Variants in ANAPC13 observed in about 807,000 individuals in gnomAD.
ANAPC13 encodes the protein anaphase promoting complex subunit 13.
Under a neutral mutation model 9.6 loss-of-function variants are expected in ANAPC13, and 9 were observed. That is an observed-to-expected ratio of 0.94 (90% CI 0.57 to 1.64). The LOEUF (loss-of-function observed/expected upper bound fraction) is 1.64. ANAPC13 is among the 40% of genes most tolerant of loss of function. The probability of loss-of-function intolerance (pLI) is 0.00; values close to 1 mark genes in which losing one functional copy is unlikely to be tolerated. For missense variants in ANAPC13, 75 were observed against 85.3 expected (o/e 0.88, Z 0.48); for synonymous variants, 30 against 29.7 (o/e 1.01, Z -0.03).
intron 1 of ANAPC13, chr3:134,483,150 A>C (rs1289793436): frequency 7.5e-6 from 4 of 534,274 alleles, no homozygotes; most frequent in African/African-American, 3.8e-5. Context: ...CAGCTGACAG[A>C]CCAGTGTCAT....
At position 134,485,984 on chromosome 3, in the gene ANAPC13, C is replaced by T; in HGVS notation, c.-60G>A. 1.1e-6 allele frequency: 1 copy of T among 884,402 alleles called. No individual in the cohort carries two copies. 54.8% of individuals were successfully genotyped at this position (884,402 alleles called of 1,614,324 possible). Reference sequence around the variant, plus strand: ...CGGCCACCGCGGCAGACGCTTGCTCCTGCCACGCCCCCCCCCCCTCCCCCG... The same window carrying T: ...CGGCCACCGCGGCAGACGCTTGCTCTTGCCACGCCCCCCCCCCCTCCCCCG... On this transcript the variant is annotated 5_prime_UTR_variant, in exon 1 of 3. Transcript: ENST00000354910.
Position 134,478,781 on chromosome 3 carries a change from C to T in ANAPC13, c.100-66G>A, listed in dbSNP as rs189201350. On this transcript the variant is annotated intron_variant, in intron 2 of 2. Coordinates refer to ENST00000354910, the MANE Select transcript of ANAPC13 (RefSeq NM_015391.4). The stretch of plus-strand genomic sequence containing the variant: ...TGCATCTTCTTGGAACTCAAGAACA[C>T]TTAGAATTAAAGCTTGTGAGTTCCT... 4.1e-5 allele frequency: 64 copies of T among 1,564,030 alleles called. No homozygotes were observed. The South Asian group carries it at 6.5e-4, about 16-fold the overall frequency.
intron 2 of ANAPC13, 136 bp from the exon 3 acceptor site, chr3:134,478,851 A>T: frequency 1.0e-6 from 1 of 972,782 alleles, no homozygotes; most frequent in South Asian, 1.6e-5. Flanking sequence ...AAAAAGCTAA[A>T]ATCATACACG....
chr3:134,478,495 A>AT lies in ANAPC13; in HGVS notation c.*94dup. 1.4e-6 allele frequency: 2 copies of AT among 1,477,866 alleles called. No homozygotes were observed. The highest frequency in any genetic ancestry group is 1.8e-6 in the Non-Finnish European group (2 of 1,094,104). 91.5% of individuals were successfully genotyped at this position (1,477,866 alleles called of 1,614,324 possible). ...AATGGGTGTACATTTTTGAGTGCTGATTTATTACTCAAAGGTTTGAATTTG... is the reference window on the plus strand; with the variant it reads ...AATGGGTGTACATTTTTGAGTGCTGATTTTATTACTCAAAGGTTTGAATTTG... On this transcript the variant is annotated 3_prime_UTR_variant, in exon 3 of 3. Coordinates refer to ENST00000354910, the MANE Select transcript of ANAPC13 (RefSeq NM_015391.4).
intron 1 of ANAPC13, chr3:134,483,171 A>G: frequency 2.2e-6 from 1 of 461,772 alleles, no homozygotes; most frequent in Non-Finnish European, 3.9e-6. Flanking sequence ...AGAGTGTGAC[A>G]GGAGAGCAAC....
At chr3:134,478,751 T>C (rs1433453245) in intron 2 of ANAPC13, 36 bp from the exon 3 acceptor site, 16 of 1,609,104 alleles carry the variant, frequency 9.9e-6, no homozygotes, top group South Asian at 1.1e-5. Context: ...AACAGTAATA[T>C]ATTCTGCATC....
intron 1 of ANAPC13, 81 bp from the exon 2 acceptor site, chr3:134,483,012 T>TAAAA: frequency 1.1e-6 from 1 of 951,432 alleles, no homozygotes. Context: ...CCAGGCTTTT[T>TAAAA]AGTCTGGGGC....
intron 1 of ANAPC13, among the ~76,000 whole-genome samples, chr3:134,484,732 C>T (rs558186650): frequency 6.6e-6 from 1 of 152,344 alleles, no homozygotes; most frequent in East Asian, 1.9e-4. Context: ...GCTGCTCTGT[C>T]TCCTGGGATA....
chr3:134,484,366 G>C (rs1404164192), intron 1 of ANAPC13, among the ~76,000 whole-genome samples: 1 of 150,078 alleles, frequency 6.7e-6, no homozygotes, highest in Non-Finnish European at 1.5e-5. Context: ...CAGCCTGGGC[G>C]ACAGAGCAAG....
chr3:134,484,382 G>A (rs1337433944), intron 1 of ANAPC13, among the ~76,000 whole-genome samples: 4 of 115,850 alleles, frequency 3.5e-5, no homozygotes, highest in South Asian at 5.9e-4. Flanking sequence ...GCAAGATTCC[G>A]TCTCGGAAAA....
chr3:134,482,951 T>C lies in ANAPC13; in HGVS notation c.-27-20A>G, dbSNP rs1252757349. On this transcript the variant is annotated intron_variant, in intron 1 of 2. Transcript: ENST00000354910. ...TCAAATCTGTAAGCCAAAGAGGTTA[T>C]TTCTTAAACACGAAGACTGAAGAGA... 6.7e-7 allele frequency: 1 copy of C among 1,485,080 alleles called. No homozygotes were observed. Among genetic ancestry groups the C allele is most frequent in the Non-Finnish European group, 9.4e-7 (1 of 1,062,600 alleles). The allele number at this position is 1,485,080 out of a possible 1,614,324, so 92.0% of individuals were successfully genotyped here. A position where few individuals can be genotyped will look rare whatever the true frequency, so the allele number is the denominator to read the frequency against.
chr3:134,483,256 C>A lies in ANAPC13; in HGVS notation c.-27-325G>T, dbSNP rs79470916. 267 of 232,050 alleles carry A rather than the reference C, an allele frequency of 1.2e-3. 1 individual carries two copies. Among genetic ancestry groups the A allele is most frequent in the African/African-American group, 5.6e-3 (254 of 45,074 alleles). 14.4% of individuals were successfully genotyped at this position (232,050 alleles called of 1,614,324 possible). The stretch of plus-strand genomic sequence containing the variant: ...CTTCTCTTCTAACTTGAACATTCAC[C>A]TTTTCCTGTTTGTGATGCCTTTGAT... On this transcript the variant is annotated intron_variant, in intron 1 of 2. Coordinates refer to ENST00000354910, the MANE Select transcript of ANAPC13 (RefSeq NM_015391.4).
chr3:134,483,195 C>A (rs558388673), intron 1 of ANAPC13: 5 of 387,166 alleles, frequency 1.3e-5, no homozygotes, highest in African/African-American at 8.0e-5. Context: ...TTAAACGAGG[C>A]CCTCAAATAT....
rs113277761 is a variant in ANAPC13, at chr3:134,483,905, T to C, written c.-27-974A>G. ...TCAGAGCTCAGCCTGGGTGATATTTTAAGGAAGGAAGCCATTTCCTTTACA... is the reference window on the plus strand; with the variant it reads ...TCAGAGCTCAGCCTGGGTGATATTTCAAGGAAGGAAGCCATTTCCTTTACA... On this transcript the variant is annotated intron_variant, in intron 1 of 2. Transcript: ENST00000354910. Among the ~76,000 whole-genome samples, 1,072 of 152,336 alleles carry C rather than the reference T, an allele frequency of 7.0e-3. 12 individuals carry two copies. The highest frequency in any genetic ancestry group is 0.025 in the African/African-American group (1,030 of 41,576).
At chr3:134,481,419 T>G (rs1934732096) in intron 2 of ANAPC13, among the ~76,000 whole-genome samples, 1 of 152,232 alleles carries the variant, frequency 6.6e-6, no homozygotes, top group South Asian at 2.1e-4. Context: ...TCCCCTCTGC[T>G]GCAATACCCT....
intron 2 of ANAPC13, among the ~76,000 whole-genome samples, chr3:134,481,595 G>A (rs941218234): frequency 1.3e-5 from 2 of 152,154 alleles, no homozygotes; most frequent in Non-Finnish European, 2.9e-5. Flanking sequence ...TTATCTATAA[G>A]TGTTGCCTTT....
Position 134,482,738 on chromosome 3 carries a change from A to G in ANAPC13, c.99+68T>C, listed in dbSNP as rs1934764102. 10 of 1,210,928 alleles carry G rather than the reference A, an allele frequency of 8.3e-6. 1 individual carries two copies. In the Middle Eastern group the frequency reaches 1.3e-3, roughly 163 times the overall value. 75.0% of individuals were successfully genotyped at this position (1,210,928 alleles called of 1,614,324 possible). ...CCACACTAGTTTATCTTCCATTGATATCCCTCCTCCACTAGTTACTGCCAG... is the reference window on the plus strand; with the variant it reads ...CCACACTAGTTTATCTTCCATTGATGTCCCTCCTCCACTAGTTACTGCCAG... On this transcript the variant is annotated intron_variant, in intron 2 of 2. Coordinates refer to ENST00000354910, the MANE Select transcript of ANAPC13 (RefSeq NM_015391.4).
chr3:134,483,154 G>C, intron 1 of ANAPC13: 1 of 504,346 alleles, frequency 2.0e-6, no homozygotes. Context: ...TGACAGACCA[G>C]TGTCATAGAG....
intron 2 of ANAPC13, among the ~76,000 whole-genome samples, chr3:134,482,471 A>ATATGC (rs1934756656): frequency 6.6e-6 from 1 of 152,252 alleles, no homozygotes; most frequent in Admixed American, 6.5e-5. Context: ...AACAGAGCTC[A>ATATGC]TATGCTGCTG....
Sources: gnomAD v4.1 joint callset for allele counts (sites outside exome capture counted in the v4.1 genomes callset) on GRCh38, gnomAD v4.1.1 for gene constraint, MANE v1.5 for transcripts, NCBI Gene and HGNC (gene_info 2026-07-23, HGNC 2026-07-21) for gene names.